Variants in ZSCAN12 observed in about 807,000 individuals in gnomAD.
The protein encoded by ZSCAN12 is zinc finger and SCAN domain-containing protein 12.
A neutral mutation model predicts 23.4 loss-of-function variants in ZSCAN12; 18 were observed. The observed-to-expected ratio is 0.77, with a 90% confidence interval of 0.53 to 1.14. The LOEUF (loss-of-function observed/expected upper bound fraction) is 1.14, where lower values mean the gene tolerates loss of function less well. Among genes scored for constraint, ZSCAN12 ranks in the 50% most tolerant of loss-of-function variants. The pLI, the probability that ZSCAN12 is intolerant of heterozygous loss-of-function variation, is 0.00. For missense variants in ZSCAN12, 650 were observed against 735.0 expected (o/e 0.88, Z 1.34); for synonymous variants, 186 against 253.4 (o/e 0.73, Z 2.53).
Position 28,387,349 on chromosome 6 carries a change from G to A in ZSCAN12, c.*3105C>T, listed in dbSNP as rs1005093171. Among the ~76,000 whole-genome samples, 4 of 152,216 alleles carry A rather than the reference G, an allele frequency of 2.6e-5. No homozygotes were observed. Among genetic ancestry groups the A allele is most frequent in the Non-Finnish European group, 4.4e-5 (3 of 68,044 alleles). On this transcript the variant is annotated 3_prime_UTR_variant, in exon 4 of 4. Coordinates refer to ENST00000684592, the MANE Select transcript of ZSCAN12 (RefSeq NM_001163391.2). ...AGGCACTCAGAGGAGTAGAAGGCAA[G>A]TTTAAAACAACGATTGCATTCCAGC... is the stretch of plus-strand genomic sequence containing the variant.
Position 28,389,252 on chromosome 6 carries a change from G to A in ZSCAN12, c.*1202C>T, listed in dbSNP as rs146587637. ...AAGGCCTTGCACTCAGAAGACCCTT[G>A]GAATGTAGGTCTGTCTCTCTTTCTT... On this transcript the variant is annotated 3_prime_UTR_variant, in exon 4 of 4. Coordinates refer to ENST00000684592, the MANE Select transcript of ZSCAN12 (RefSeq NM_001163391.2). Among the ~76,000 whole-genome samples, 87 of 152,236 alleles carry A rather than the reference G, an allele frequency of 5.7e-4. No homozygotes were observed. The highest frequency in any genetic ancestry group is 2.1e-3 in the African/African-American group (86 of 41,544).
rs993072534 is a variant in ZSCAN12, at chr6:28,398,323, G to C, written c.83C>G (p.Thr28Ser). 1 of 1,563,070 alleles carries C rather than the reference G, an allele frequency of 6.4e-7. No homozygotes were observed. The highest frequency in any genetic ancestry group is 8.7e-7 in the Non-Finnish European group (1 of 1,153,182). ...EVKIEEEKYT[T>S]RQDWDLRKNN... ...TTTACGCAGGTCCCAATCCTGTCTG[G>C]TGGTATATTTCTCTTCCTCTATCTT... Residue 28 changes from threonine to serine, a missense_variant, in exon 2 of 4, where the codon ACC becomes AGC. By Grantham distance (58) the Thr-to-Ser change is moderately conservative. Coordinates refer to ENST00000684592, the MANE Select transcript of ZSCAN12 (RefSeq NM_001163391.2).
At chr6:28,382,267 G>A (rs1211374380), downstream of ZSCAN12, 2 of 515,878 alleles carry the variant, frequency 3.9e-6, no homozygotes, top group African/African-American at 2.0e-5. Flanking sequence ...CTGGTCTCAG[G>A]AACTACTGGC....
In ZSCAN12 at chr6:28,391,790, C is replaced by A; in HGVS notation, c.548-48G>T. 7.4e-7 allele frequency: 1 copy of A among 1,346,218 alleles called. No homozygotes were observed. Among genetic ancestry groups the A allele is most frequent in the South Asian group, 1.6e-5 (1 of 64,398 alleles). 83.4% of individuals were successfully genotyped at this position (1,346,218 alleles called of 1,614,324 possible). ...ACCTCTTTCTACCTTTAAAATGTAT[C>A]CATACATTTTAATATTAAGCAGCTG... On this transcript the variant is annotated intron_variant, in intron 3 of 3. Transcript: ENST00000684592. The surrounding 1 kb of genome is among the most constrained non-coding windows in gnomAD (Gnocchi z 4.1).
At position 28,398,161 on chromosome 6, in the gene ZSCAN12, T is replaced by C; in HGVS notation, c.245A>G (p.Lys82Arg). ...HQWLRPETHT[K>R]EQILELLVLE... Reference sequence around the variant, plus strand: ...CACCAGCAGCTCCAGAATCTGTTCTTTGGTGTGGGTCTCTGGCCTCAGCCA... The same window carrying C: ...CACCAGCAGCTCCAGAATCTGTTCTCTGGTGTGGGTCTCTGGCCTCAGCCA... The change falls in exon 2 of 4, where the codon AAA (lysine) becomes AGA (arginine). Residue 82 changes from lysine to arginine, a missense_variant. Coordinates refer to ENST00000684592, the MANE Select transcript of ZSCAN12 (RefSeq NM_001163391.2). 6.2e-7 allele frequency: 1 copy of C among 1,613,876 alleles called. No homozygotes were observed. Among genetic ancestry groups the C allele is most frequent in the South Asian group, 1.1e-5 (1 of 91,058 alleles).
Position 28,398,120 on chromosome 6 carries a change from T to A in ZSCAN12, c.286A>T (p.Thr96Ser). 1 of 1,614,076 alleles carries A rather than the reference T, an allele frequency of 6.2e-7. No homozygotes were observed. The highest frequency in any genetic ancestry group is 2.2e-5 in the East Asian group (1 of 44,856). Residue 96 changes from threonine (T) to serine (S), a missense_variant, in exon 2 of 4, where the codon ACC becomes TCC. Physicochemically the swap from Thr to Ser is moderately conservative, Grantham distance 58. Transcript: ENST00000684592. ...LELLVLEQFLTILPEELQAWV... is the reference protein window; with the variant it reads ...LELLVLEQFLSILPEELQAWV... ...GCCTGGAGCTCCTCAGGTAGGATGGTCAGGAACTGCTCCAGCACCAGCAGC... is the reference window on the plus strand; with the variant it reads ...GCCTGGAGCTCCTCAGGTAGGATGGACAGGAACTGCTCCAGCACCAGCAGC...
downstream of ZSCAN12, chr6:28,380,054 A>G (rs559638082): frequency 2.0e-5 from 3 of 152,296 alleles, no homozygotes; most frequent in African/African-American, 7.2e-5. Context: ...AACTTCTAAC[A>G]TTTCCTTTTC....
At chr6:28,398,883 A>AGCAGT (rs1374620096) in intron 1 of ZSCAN12, among the ~76,000 whole-genome samples, 6 of 147,368 alleles carry the variant, frequency 4.1e-5, no homozygotes, top group African/African-American at 1.3e-4. Context: ...CAGTGAGCCG[A>AGCAGT]GATCGCGCCA....
Position 28,390,457 on chromosome 6 carries a change from C to T in ZSCAN12, c.1833G>A (p.Val611=). 6.5e-7 allele frequency: 1 copy of T among 1,535,208 alleles called. No individual in the cohort carries two copies. The highest frequency in any genetic ancestry group is 8.8e-7 in the Non-Finnish European group (1 of 1,139,064). The change falls in exon 4 of 4, where the codon GTG becomes GTA. Residue 611 remains valine, a synonymous_variant. Transcript: ENST00000684592. The part of the protein sequence containing the change: ...TIHKGEKSVS[V] ...TGAGATAACTTCCCTGTAGTCATCA[C>T]ACAGAAACAGATTTTTCTCCTTTGT... is the stretch of plus-strand genomic sequence containing the variant.
At chr6:28,395,453 C>A (rs1464712272) in intron 2 of ZSCAN12, among the ~76,000 whole-genome samples, 3 of 152,076 alleles carry the variant, frequency 2.0e-5, no homozygotes, top group Non-Finnish European at 4.4e-5. Flanking sequence ...CACATTTTAC[C>A]ACTCCCACTG....
chr6:28,381,287 C>A (rs1760223311), downstream of ZSCAN12: 1 of 152,188 alleles, frequency 6.6e-6, no homozygotes, highest in South Asian at 2.1e-4. Flanking sequence ...CTACTATAAA[C>A]CTACAGAATG....
rs781409312 is a variant in ZSCAN12, at chr6:28,390,584, C to T, written c.1706G>A (p.Ser569Asn). The change falls in exon 4 of 4, where the codon AGT becomes AAT. Residue 569 changes from serine to asparagine, a missense_variant. By Grantham distance (46) the Ser-to-Asn change is conservative. Transcript: ENST00000684592. ...GKAFRQRSDLSKHQRIHNRRG... is the reference protein window; with the variant it reads ...GKAFRQRSDLNKHQRIHNRRG... ...TCTATTATGGATTCTCTGGTGTTTACTAAGATCTGACCTCTGTCTGAAGGC... is the reference window on the plus strand; with the variant it reads ...TCTATTATGGATTCTCTGGTGTTTATTAAGATCTGACCTCTGTCTGAAGGC... The T allele has an allele frequency of 6.2e-7, 1 of 1,600,472 alleles. No individual in the cohort carries two copies. Among genetic ancestry groups the T allele is most frequent in the African/African-American group, 1.3e-5 (1 of 74,580 alleles).
rs573777219 is a variant in ZSCAN12, at chr6:28,391,556, T to G, written c.734A>C (p.Gln245Pro). The change falls in exon 4 of 4, where the codon CAA becomes CCA. Residue 245 changes from glutamine (Q) to proline (P), a missense_variant. Gln to Pro is a moderately conservative substitution (Grantham distance 76). Coordinates refer to ENST00000684592, the MANE Select transcript of ZSCAN12 (RefSeq NM_001163391.2). The surrounding 1 kb of genome is among the most constrained non-coding windows in gnomAD (Gnocchi z 4.1). The stretch of plus-strand genomic sequence containing the variant: ...TACTCCATTTTCATCACAGGTAGGT[T>G]GTTTATCTTCTCTGGAGCAAGCAGA... ...EPSACSREDK[Q>P]PTCDENGVSL... 1 of 1,552,274 alleles carries G rather than the reference T, an allele frequency of 6.4e-7. No homozygotes were observed. Among genetic ancestry groups the G allele is most frequent in the Non-Finnish European group, 8.7e-7 (1 of 1,147,130 alleles).
intron 2 of ZSCAN12, among the ~76,000 whole-genome samples, chr6:28,396,178 A>G (rs1370438359): frequency 6.6e-6 from 1 of 151,556 alleles, no homozygotes; most frequent in African/African-American, 2.4e-5. Flanking sequence ...TGCCTGGCTA[A>G]TTTTTGTATT....
intron 2 of ZSCAN12, 136 bp from the exon 3 acceptor site, chr6:28,393,182 A>G: frequency 1.1e-6 from 1 of 892,724 alleles, no homozygotes; most frequent in East Asian, 2.7e-5. Context: ...CCCATTCTTC[A>G]AGGCCAATAT....
At chr6:28,379,654 G>C (rs1293325964) in exon 5 of ZSCAN12, 1 of 151,222 alleles carries the variant, frequency 6.6e-6, no homozygotes, top group Non-Finnish European at 1.5e-5. Flanking sequence ...TCTCTGAAGG[G>C]ACACCTACAC....
chr6:28,398,227 G>T lies in ZSCAN12; in HGVS notation c.179C>A (p.Pro60His), dbSNP rs1234862446. The change falls in exon 2 of 4, where the codon CCC becomes CAC. Residue 60 changes from proline to histidine, a missense_variant. Pro to His is a moderately conservative substitution (Grantham distance 77). Transcript: ENST00000684592. The stretch of plus-strand genomic sequence containing the variant: ...TCGGAGTCGGCTCAAAGCCTCACGG[G>T]GACCAGATGTCTCCTGGTAGCAGAA... ...RQFCYQETSG[P>H]REALSRLREL... 6.2e-7 allele frequency: 1 copy of T among 1,614,064 alleles called. No homozygotes were observed. The highest frequency in any genetic ancestry group is 8.5e-7 in the Non-Finnish European group (1 of 1,180,012).
downstream of ZSCAN12, chr6:28,381,918 A>G (rs929154735): frequency 6.6e-6 from 1 of 152,216 alleles, no homozygotes; most frequent in Admixed American, 6.5e-5. Flanking sequence ...CCAATATAGA[A>G]AGAGGAGGTC....
chr6:28,387,883 C>T lies in ZSCAN12; in HGVS notation c.*2571G>A, dbSNP rs551199150. On this transcript the variant is annotated 3_prime_UTR_variant, in exon 4 of 4. Transcript: ENST00000684592. Reference sequence around the variant, plus strand: ...CCCTTAACATAAAAAGAGCCGAGCCCAACATTTGTACTGACTTAAGATGGT... The same window carrying T: ...CCCTTAACATAAAAAGAGCCGAGCCTAACATTTGTACTGACTTAAGATGGT... Among the ~76,000 whole-genome samples the T allele has an allele frequency of 2.5e-3, 380 of 152,234 alleles. 3 individuals are homozygous for T. The highest frequency in any genetic ancestry group is 0.01 in the Middle Eastern group (3 of 294).
Sources: gnomAD v4.1 joint callset for allele counts (sites outside exome capture counted in the v4.1 genomes callset) on GRCh38, gnomAD v4.1.1 for gene constraint, Gnocchi (gnomAD v3.1) non-coding constraint, MANE v1.5 for transcripts, NCBI Gene and HGNC (gene_info 2026-07-23, HGNC 2026-07-21) for gene names.